Variants in TECR observed in about 807,000 individuals in gnomAD.
The protein encoded by TECR is very-long-chain enoyl-CoA reductase.
TECR carries 19 observed loss-of-function variants against 50.6 expected under a neutral mutation model. The observed-to-expected ratio is 0.38, with a 90% CI of 0.26 to 0.55. The LOEUF is 0.55. Among genes scored for constraint, TECR ranks in the 20% least tolerant of loss-of-function variants. The probability of loss-of-function intolerance (pLI) is 0.79; values close to 1 mark genes in which losing one functional copy is unlikely to be tolerated. For synonymous variants in TECR, 168 were observed against 163.5 expected (o/e 1.03, Z -0.21); for missense variants, 313 against 408.3 (o/e 0.77, Z 2.01).
At position 14,565,667 on chromosome 19, in the gene TECR, A is replaced by G. The variant is rs1472966906; in HGVS notation, c.799+4A>G. The G allele has an allele frequency of 6.2e-7, 1 of 1,612,362 alleles. No individual in the cohort carries two copies. The highest frequency in any genetic ancestry group is 1.1e-5 in the South Asian group (1 of 91,022). ...ATCATGACGCAGTGTCTCCCAGGTG[A>G]GCCTGCCGCCCTCCCTCGGCGGGGC... On this transcript the variant is annotated splice_donor_region_variant and intron_variant, in intron 12 of 12. Transcript: ENST00000215567.
At chr19:14,560,496 C>T (rs879327842) in intron 1 of TECR, among the ~76,000 whole-genome samples, 5 of 152,360 alleles carry the variant, frequency 3.3e-5, no homozygotes, top group East Asian at 1.9e-4. Flanking sequence ...GATCCCGCCC[C>T]GTGTCCTCTG....
chr19:14,564,049 T>C lies in TECR; in HGVS notation c.335T>C (p.Ile112Thr). ...YLLFYFRVPF[I>T]YGHKYDFTSS... ...CTCTTCTACTTCCGAGTGCCCTTCA[T>C]CTATGGCCACAAATATGACTTTACG... is the stretch of plus-strand genomic sequence containing the variant. Residue 112 changes from isoleucine (I) to threonine (T), a missense_variant, in exon 6 of 13, where the codon ATC (isoleucine) becomes ACC (threonine). Coordinates refer to ENST00000215567, the MANE Select transcript of TECR (RefSeq NM_138501.6). 2 of 1,613,842 alleles carry C rather than the reference T, an allele frequency of 1.2e-6. No individual in the cohort carries two copies. Among genetic ancestry groups the C allele is most frequent in the South Asian group, 1.1e-5 (1 of 91,080 alleles).
intron 1 of TECR, chr19:14,545,266 G>T (rs1201046040): frequency 2.2e-6 from 1 of 453,352 alleles, no homozygotes; most frequent in Non-Finnish European, 4.4e-6. Context: ...CAGCCTCCGG[G>T]TGTCACCCGC....
chr19:14,565,705 G>C, intron 12 of TECR, 39 bp from the exon 13 acceptor site: 2 of 1,612,000 alleles, frequency 1.2e-6, no homozygotes, highest in African/African-American at 2.7e-5. Context: ...TGCCCCTCCG[G>C]GCCGGCAGCC....
intron 1 of TECR, among the ~76,000 whole-genome samples, chr19:14,548,681 A>G (rs1020373348): frequency 1.3e-5 from 2 of 151,766 alleles, no homozygotes; most frequent in South Asian, 4.2e-4. Context: ...AGGTTCAAGC[A>G]ATTCTCCTGT....
intron 1 of TECR, among the ~76,000 whole-genome samples, chr19:14,554,513 C>G (rs1259881832): frequency 6.6e-6 from 1 of 152,184 alleles, no homozygotes; most frequent in African/African-American, 2.4e-5. Context: ...CGGGAGAGGA[C>G]TGGGAAGCAC....
In TECR at chr19:14,535,475, C is replaced by G. The variant is rs542140441; in HGVS notation, c.15+5764C>G. On this transcript the variant is annotated intron_variant, in intron 1 of 12. Transcript: ENST00000215567. ...TGAGCCGAGATCGCGCCACTGCACT[C>G]CAGCCTGGGCGACAGAGCGAGACTC... Among the ~76,000 whole-genome samples the G allele has an allele frequency of 5.0e-3, 606 of 122,332 alleles. 21 individuals carry two copies. Among genetic ancestry groups the G allele is most frequent in the Admixed American group, 0.048 (495 of 10,396 alleles). The allele number at this position is 122,332 out of a possible 152,430, so 80.3% of individuals were successfully genotyped here.
At chr19:14,564,708 C>T in intron 7 of TECR, 78 bp from the exon 8 acceptor site, 4 of 1,491,286 alleles carry the variant, frequency 2.7e-6, no homozygotes, top group South Asian at 1.1e-5. Context: ...GCTCCCAGGC[C>T]CCTCGGGATG....
rs556385282 is a variant in TECR at position 14,565,921 on chromosome 19, G to A, written c.*50G>A. On this transcript the variant is annotated 3_prime_UTR_variant, in exon 13 of 13. Transcript: ENST00000215567. ...CCCCTCAACCCGGTGGCATTCTGGG[G>A]GAGGAGTGGGGCCCACAGCTCTCCA... 5.8e-6 allele frequency: 9 copies of A among 1,545,114 alleles called. No homozygotes were observed. The South Asian group carries it at 1.1e-4, about 18-fold the overall frequency.
chr19:14,533,582 G>A (rs921682436), intron 1 of TECR, among the ~76,000 whole-genome samples: 4 of 152,178 alleles, frequency 2.6e-5, no homozygotes, highest in Admixed American at 6.5e-5. Context: ...GGTGCAGGAC[G>A]TGCTGACTGT....
At chr19:14,551,946 CCTCTCTCTCTCT>C (rs71166756) in intron 1 of TECR, among the ~76,000 whole-genome samples, 5 of 71,240 alleles carry the variant, frequency 7.0e-5, no homozygotes, top group Non-Finnish European at 9.9e-5. Flanking sequence ...TCCCTCCCTC[CCTCTCTCTCTCT>C]CTCTCTCTCT....
At chr19:14,547,502 A>G (rs1330981804) in intron 1 of TECR, among the ~76,000 whole-genome samples, 1 of 152,124 alleles carries the variant, frequency 6.6e-6, no homozygotes, top group African/African-American at 2.4e-5. Flanking sequence ...CTGGGACTAC[A>G]GGCATGTGCC....
intron 1 of TECR, among the ~76,000 whole-genome samples, chr19:14,555,978 C>T (rs2073707645): frequency 6.6e-6 from 1 of 152,176 alleles, no homozygotes; most frequent in Non-Finnish European, 1.5e-5. Flanking sequence ...GCAGGTAAAG[C>T]TGGGGAAGCC....
chr19:14,564,351 A>G (rs1450455358), intron 7 of TECR, 64 bp downstream of exon 7: 5 of 843,662 alleles, frequency 5.9e-6, no homozygotes, highest in Non-Finnish European at 4.4e-6. Flanking sequence ...CCCCGCCCCC[A>G]CCGAGCCCCA....
intron 1 of TECR, 78 bp from the exon 2 acceptor site, chr19:14,562,447 C>T (rs965428178): frequency 3.2e-6 from 5 of 1,565,276 alleles, no homozygotes; most frequent in Admixed American, 3.4e-5. Context: ...AGGCCTCCTC[C>T]CTGGCCTCAA....
At position 14,529,965 on chromosome 19, in the gene TECR, C is replaced by T. The variant is rs73519887; in HGVS notation, c.15+254C>T. The T allele has an allele frequency of 2.8e-3, 1,610 of 579,010 alleles. 20 individuals are homozygous for T. Among genetic ancestry groups the T allele is most frequent in the African/African-American group, 0.027 (1,453 of 53,386 alleles). The allele number at this position is 579,010 out of a possible 1,614,324, so 35.9% of individuals were successfully genotyped here. On this transcript the variant is annotated intron_variant, in intron 1 of 12. Coordinates refer to ENST00000215567, the MANE Select transcript of TECR (RefSeq NM_138501.6). Reference sequence around the variant, plus strand: ...TTGGGGGTCTCTGCAGGGGCTGGGACGCTTGCAGGTTCCTTGCAGCTCCCC... The same window carrying T: ...TTGGGGGTCTCTGCAGGGGCTGGGATGCTTGCAGGTTCCTTGCAGCTCCCC...
chr19:14,534,919 C>G (rs913839431), intron 1 of TECR, among the ~76,000 whole-genome samples: 3 of 152,200 alleles, frequency 2.0e-5, no homozygotes, highest in African/African-American at 7.2e-5. Context: ...TCTGCTGATG[C>G]TGCCCTAGGA....
chr19:14,564,506 C>G (rs1249337286), intron 7 of TECR, among the ~76,000 whole-genome samples: 1 of 126,994 alleles, frequency 7.9e-6, no homozygotes, highest in African/African-American at 3.0e-5. Flanking sequence ...CTAGGCCTGC[C>G]TATCCACCCT....
Position 14,563,705 on chromosome 19 carries a change from G to T in TECR, c.163+3G>T. On this transcript the variant is annotated splice_donor_region_variant and intron_variant, in intron 4 of 12. Coordinates refer to ENST00000215567, the MANE Select transcript of TECR (RefSeq NM_138501.6). The surrounding 1 kb of genome is among the most constrained non-coding windows in gnomAD (Gnocchi z 5.3). Reference sequence around the variant, plus strand: ...CCAGTCCCTCCGCCTGGACCCCAGTGAGTACAGCTGTCCACTCGGCCCGCC... The same window carrying T: ...CCAGTCCCTCCGCCTGGACCCCAGTTAGTACAGCTGTCCACTCGGCCCGCC... The T allele has an allele frequency of 6.2e-7, 1 of 1,613,222 alleles. No homozygotes were observed. Among genetic ancestry groups the T allele is most frequent in the Non-Finnish European group, 8.5e-7 (1 of 1,179,902 alleles).
Sources: allele counts gnomAD v4.1 joint callset (sites outside exome capture counted in the v4.1 genomes callset), GRCh38; gene constraint gnomAD v4.1.1; non-coding constraint Gnocchi (gnomAD v3.1); transcripts MANE v1.5; gene names NCBI Gene and HGNC (gene_info 2026-07-23, HGNC 2026-07-21).